Variants in SEPTIN9 observed in about 807,000 individuals in gnomAD.
SEPTIN9 encodes the protein septin-9.
Under a neutral mutation model 56.6 loss-of-function variants are expected in SEPTIN9, and 13 were observed. The ratio of observed to expected loss-of-function variants is 0.23; its 90% CI spans 0.15 to 0.37. The LOEUF (loss-of-function observed/expected upper bound fraction) is 0.37, where lower values mean the gene tolerates loss of function less well. Among genes scored for constraint, SEPTIN9 ranks in the 10% least tolerant of loss-of-function variants. The probability of loss-of-function intolerance (pLI) is 1.00; values close to 1 mark genes in which losing one functional copy is unlikely to be tolerated. For synonymous variants in SEPTIN9, 332 were observed against 334.1 expected, an observed-to-expected ratio of 0.99 and a Z score of 0.07; for missense variants, 650 against 823.1, an observed-to-expected ratio of 0.79 and a Z score of 2.57.
chr17:77,373,286 G>A, intron 2 of SEPTIN9: 3 of 1,155,542 alleles, frequency 2.6e-6, no homozygotes, highest in Non-Finnish European at 3.2e-6. Flanking sequence ...AGGCGGGGGC[G>A]GGGCGGGGGC....
At chr17:77,320,168 G>C in intron 2 of SEPTIN9, 1 of 1,543,658 alleles carries the variant, frequency 6.5e-7, no homozygotes. Flanking sequence ...ATTCGTGATT[G>C]CAACAGATTG....
At chr17:77,461,196 C>G (rs986653517) in intron 3 of SEPTIN9, among the ~76,000 whole-genome samples, 3 of 151,954 alleles carry the variant, frequency 2.0e-5, no homozygotes, top group Non-Finnish European at 4.4e-5. Context: ...ATCCCAGTTA[C>G]TCGGGAGGCT....
chr17:77,308,678 C>A (rs763085092), intron 2 of SEPTIN9, among the ~76,000 whole-genome samples: 2 of 152,222 alleles, frequency 1.3e-5, no homozygotes, highest in Non-Finnish European at 2.9e-5. Context: ...CCTGAGACCT[C>A]AGAATTCTAG....
chr17:77,421,928 T>G lies in SEPTIN9; in HGVS notation c.721+19225T>G, dbSNP rs954078844. Among the ~76,000 whole-genome samples, 42 of 152,168 alleles carry G rather than the reference T, an allele frequency of 2.8e-4. No individual in the cohort carries two copies. The highest frequency in any genetic ancestry group is 9.7e-4 in the African/African-American group (40 of 41,432). ...CAATGGCCCAATGTCCCGCTCACTG[T>G]GATCTCGACCTCCTAGGCTCAGCAG... On this transcript the variant is annotated intron_variant, in intron 3 of 11. Transcript: ENST00000427177. This position sits in a 1 kb window ranked among gnomAD's most constrained non-coding sequence, Gnocchi z 4.6.
intron 2 of SEPTIN9, among the ~76,000 whole-genome samples, chr17:77,331,750 C>CCCCCGCACAGGCACGGGGGTGCCTCCTT (rs1265156919): frequency 6.6e-6 from 1 of 152,122 alleles, no homozygotes; most frequent in Non-Finnish European, 1.5e-5. Context: ...AGATGACCAG[C>CCCCCGCACAGGCACGGGGGTGCCTCCTT]CCCCGCACAG....
At chr17:77,363,631 G>A (rs1194717129) in intron 2 of SEPTIN9, among the ~76,000 whole-genome samples, 2 of 151,856 alleles carry the variant, frequency 1.3e-5, no homozygotes, top group Non-Finnish European at 2.9e-5. Context: ...CAGGTGATCC[G>A]CCCACCTTGG....
chr17:77,403,469 C>T (rs59868810), intron 3 of SEPTIN9, among the ~76,000 whole-genome samples: 2,421 of 152,294 alleles, frequency 0.016, 56 homozygotes, highest in African/African-American at 0.055. Context: ...GCCGTGCTGA[C>T]ATGGAGCTTA....
Position 77,456,733 on chromosome 17 carries a change from C to T in SEPTIN9, c.722-25411C>T, listed in dbSNP as rs2038220275. On this transcript the variant is annotated intron_variant, in intron 3 of 11. Coordinates refer to ENST00000427177, the MANE Select transcript of SEPTIN9 (RefSeq NM_001113491.2). This position sits in a 1 kb window ranked among gnomAD's most constrained non-coding sequence, Gnocchi z 6.0. ...CGGGCCCCCATGGCCAGTACCAGAT[C>T]TCAGGGACCAGCACCGGGTACCCAC... Among the ~76,000 whole-genome samples the T allele has an allele frequency of 6.6e-6, 1 of 152,076 alleles. No individual in the cohort carries two copies. Among genetic ancestry groups the T allele is most frequent in the South Asian group, 2.1e-4 (1 of 4,814 alleles).
chr17:77,288,456 G>A (rs1425816209), intron 1 of SEPTIN9, among the ~76,000 whole-genome samples: 2 of 152,190 alleles, frequency 1.3e-5, no homozygotes, highest in African/African-American at 4.8e-5. Flanking sequence ...GATGGGCCCC[G>A]GGTGAGTGTG....
At chr17:77,414,429 T>C (rs1219803965) in intron 3 of SEPTIN9, among the ~76,000 whole-genome samples, 1 of 152,180 alleles carries the variant, frequency 6.6e-6, no homozygotes, top group African/African-American at 2.4e-5. Context: ...CAGAGAGTAG[T>C]GCAACCATCG....
rs1308171386 is a variant in SEPTIN9 at position 77,493,000 on chromosome 17, G to C, written c.1497G>C (p.Val499=). 1.9e-6 allele frequency: 3 copies of C among 1,567,596 alleles called. No homozygotes were observed. Among genetic ancestry groups the C allele is most frequent in the Non-Finnish European group, 2.6e-6 (3 of 1,156,620 alleles). Residue 499 remains valine, a synonymous_variant, in exon 10 of 12, where the codon GTG becomes GTC. Transcript: ENST00000427177. The surrounding 1 kb of genome is among the most constrained non-coding windows in gnomAD (Gnocchi z 5.4). ...EKFREMIPFA[V]VGSDHEYQVN... is the part of the protein sequence containing the mutation. ...CCCAGGAGATGATCCCATTTGCTGT[G>C]GTGGGCAGTGACCACGAGTACCAGG...
chr17:77,300,041 T>C (rs1207047362), intron 1 of SEPTIN9, among the ~76,000 whole-genome samples: 4 of 152,220 alleles, frequency 2.6e-5, no homozygotes, highest in Non-Finnish European at 5.9e-5. Flanking sequence ...GAGCTGGTGG[T>C]GCCCCTTCCG....
In SEPTIN9 at chr17:77,493,067, A is replaced by T; in HGVS notation, c.1564A>T (p.Thr522Ser). 6.4e-7 allele frequency: 1 copy of T among 1,557,956 alleles called. No individual in the cohort carries two copies. Among genetic ancestry groups the T allele is most frequent in the Non-Finnish European group, 8.7e-7 (1 of 1,151,096 alleles). ...CCTTGGGAGGAAGACCAAGTGGGGT[A>T]CCATCGAAGGTACTCGCCGCAGGCG... ...RILGRKTKWG[T>S]IEVENTTHCE... The change falls in exon 10 of 12, where the codon ACC becomes TCC. Residue 522 changes from threonine to serine, a missense_variant. By Grantham distance (58) the Thr-to-Ser change is moderately conservative. Transcript: ENST00000427177.
chr17:77,361,492 G>A (rs2034415339), intron 2 of SEPTIN9, among the ~76,000 whole-genome samples: 1 of 152,162 alleles, frequency 6.6e-6, no homozygotes, highest in African/African-American at 2.4e-5. Flanking sequence ...ATCGAGGGTG[G>A]GCATTAGGAA....
At chr17:77,290,741 G>C (rs2031506941) in intron 1 of SEPTIN9, among the ~76,000 whole-genome samples, 1 of 150,198 alleles carries the variant, frequency 6.7e-6, no homozygotes, top group African/African-American at 2.4e-5. Flanking sequence ...CATGAACCCG[G>C]AAGGCGGAGC....
chr17:77,496,725 A>G (rs2040277633), intron 10 of SEPTIN9, among the ~76,000 whole-genome samples: 1 of 152,206 alleles, frequency 6.6e-6, no homozygotes, highest in Admixed American at 6.5e-5. Context: ...AATGTTTAGC[A>G]TTGCTGATTC....
chr17:77,485,806 T>A (rs2039753895), intron 4 of SEPTIN9, among the ~76,000 whole-genome samples: 1 of 152,106 alleles, frequency 6.6e-6, no homozygotes, highest in African/African-American at 2.4e-5. Flanking sequence ...AAAGGTGTTA[T>A]CAAAGTCAGA....
intron 3 of SEPTIN9, among the ~76,000 whole-genome samples, chr17:77,416,355 T>C (rs114263548): frequency 2.2e-3 from 331 of 152,294 alleles, no homozygotes; most frequent in African/African-American, 7.6e-3. Context: ...AGAGCAGCAC[T>C]GTGGCTCTTT....
chr17:77,359,883 G>A (rs1283343725), intron 2 of SEPTIN9, among the ~76,000 whole-genome samples: 3 of 152,018 alleles, frequency 2.0e-5, no homozygotes, highest in Admixed American at 6.6e-5. Context: ...TAGCAAACCC[G>A]GGTGGGCGCA....
Sources: gnomAD v4.1 joint callset for allele counts (sites outside exome capture counted in the v4.1 genomes callset) on GRCh38, gnomAD v4.1.1 for gene constraint, Gnocchi (gnomAD v3.1) non-coding constraint, MANE v1.5 for transcripts, NCBI Gene and HGNC (gene_info 2026-07-23, HGNC 2026-07-21) for gene names.